EXOC6: variants seen among roughly 807,000 people sequenced by gnomAD.
EXOC6 encodes SEC15-like 1.
A neutral mutation model predicts 112.5 loss-of-function variants in EXOC6; 60 were observed. The ratio of observed to expected loss-of-function variants is 0.53; its 90% confidence interval spans 0.43 to 0.66. EXOC6 has a LOEUF of 0.66. Ranked by LOEUF, EXOC6 falls within the 30% of genes least tolerant of loss-of-function variation. The probability of loss-of-function intolerance (pLI) is 0.00; values close to 1 mark genes in which losing one functional copy is unlikely to be tolerated. For synonymous variants in EXOC6, 295 were observed against 308.0 expected (o/e 0.96, Z 0.44); for missense variants, 855 against 957.1 (o/e 0.89, Z 1.41).
At chr10:93,027,390 G>T (rs1224175361) in intron 20 of EXOC6, among the ~76,000 whole-genome samples, 5 of 152,208 alleles carry the variant, frequency 3.3e-5, no homozygotes, top group Admixed American at 3.3e-4. Context: ...GATAATTGAT[G>T]AAGTGGCTAC....
Position 92,972,486 on chromosome 10 carries a change from C to T in EXOC6, c.1774-1567C>T, listed in dbSNP as rs187234720. On this transcript the variant is annotated intron_variant, in intron 17 of 21. Transcript: ENST00000260762. ...AAGGGATGAAATATTCATGATGATTCCTGGAAAAAGGTGGAATTTTTTTTG... is the reference window on the plus strand; with the variant it reads ...AAGGGATGAAATATTCATGATGATTTCTGGAAAAAGGTGGAATTTTTTTTG... 3.7e-3 allele frequency among the ~76,000 whole-genome samples: 562 copies of T among 151,978 alleles called. 2 individuals are homozygous for T. Among genetic ancestry groups the T allele is most frequent in the African/African-American group, 0.012 (517 of 41,490 alleles).
At chr10:92,923,034 T>G (rs1851529209) in intron 8 of EXOC6, among the ~76,000 whole-genome samples, 1 of 152,212 alleles carries the variant, frequency 6.6e-6, no homozygotes, top group African/African-American at 2.4e-5. Flanking sequence ...TCAGATTCCC[T>G]TGGGTCCCTT....
chr10:92,937,391 C>T (rs1188752318), intron 12 of EXOC6, among the ~76,000 whole-genome samples: 1 of 152,170 alleles, frequency 6.6e-6, no homozygotes, highest in African/African-American at 2.4e-5. Context: ...CTTTTTCCCC[C>T]TTAGAACATC....
At chr10:92,940,388 G>A (rs2133972155) in intron 12 of EXOC6, among the ~76,000 whole-genome samples, 1 of 152,190 alleles carries the variant, frequency 6.6e-6, no homozygotes, top group East Asian at 1.9e-4. Context: ...GTATCCTTGG[G>A]CACCACTTCC....
intron 12 of EXOC6, among the ~76,000 whole-genome samples, chr10:92,938,805 C>A (rs1302435693): frequency 1.3e-5 from 2 of 152,110 alleles, no homozygotes; most frequent in African/African-American, 4.8e-5. Flanking sequence ...TTTAATAAGG[C>A]ATCCTAATGC....
chr10:92,917,748 G>A (rs185596537), intron 7 of EXOC6, among the ~76,000 whole-genome samples: 1 of 152,028 alleles, frequency 6.6e-6, no homozygotes, highest in African/African-American at 2.4e-5. Context: ...ACCAAGGCTG[G>A]TCTTGAACTC....
chr10:92,893,778 T>A (rs1405056753), intron 2 of EXOC6, among the ~76,000 whole-genome samples: 1 of 152,172 alleles, frequency 6.6e-6, no homozygotes, highest in African/African-American at 2.4e-5. Context: ...AAAACATGCA[T>A]ACAATGAAAG....
chr10:92,915,822 A>G lies in EXOC6; in HGVS notation c.728A>G (p.Asn243Ser). 3 of 1,534,320 alleles carry G rather than the reference A, an allele frequency of 2.0e-6. No homozygotes were observed. The highest frequency in any genetic ancestry group is 1.7e-4 in the Middle Eastern group (1 of 5,838). Residue 243 changes from asparagine (N) to serine (S), a missense_variant, in exon 7 of 22, where the codon AAT (asparagine) becomes AGT (serine). Physicochemically the swap from Asn to Ser is conservative, Grantham distance 46. This residue lies in a region of EXOC6 where 405 missense variants were observed against 393.6 expected (regional missense o/e 1.03). Coordinates refer to ENST00000260762, the MANE Select transcript of EXOC6 (RefSeq NM_019053.6). ...QKQNKMKFGKNMYINRDRIPE... is the reference protein window; with the variant it reads ...QKQNKMKFGKSMYINRDRIPE... ...CAAAATAAAATGAAATTTGGGAAAA[A>G]TATGTATATAAATCGTGATAGAATT...
intron 13 of EXOC6, among the ~76,000 whole-genome samples, chr10:92,947,916 A>C (rs1853133946): frequency 6.6e-6 from 1 of 152,196 alleles, no homozygotes; most frequent in African/African-American, 2.4e-5. Flanking sequence ...AAAAGAAAAA[A>C]TAGAAAGAAT....
At chr10:92,948,136 C>A in intron 13 of EXOC6, 138 bp from the exon 14 acceptor site, 1 of 520,766 alleles carries the variant, frequency 1.9e-6, no homozygotes. Context: ...GATGCTTAGG[C>A]AGTATCTTCC....
chr10:93,022,866 A>C (rs911761784), intron 20 of EXOC6, among the ~76,000 whole-genome samples: 10 of 152,102 alleles, frequency 6.6e-5, no homozygotes, highest in African/African-American at 2.4e-4. Flanking sequence ...TATGTTCCTT[A>C]CTTCATAAAG....
chr10:93,035,523 A>C (rs1015264025), intron 20 of EXOC6, among the ~76,000 whole-genome samples: 1 of 152,184 alleles, frequency 6.6e-6, no homozygotes, highest in African/African-American at 2.4e-5. Flanking sequence ...CACTTCCCCC[A>C]GTGCTAACGT....
chr10:93,012,084 AG>A (rs1437299675), intron 19 of EXOC6, among the ~76,000 whole-genome samples: 2 of 152,182 alleles, frequency 1.3e-5, no homozygotes, highest in East Asian at 3.8e-4. Context: ...AGTAACCAAA[AG>A]GTTACTCATT....
chr10:92,998,428 A>G (rs1843592363), intron 19 of EXOC6, among the ~76,000 whole-genome samples: 1 of 152,224 alleles, frequency 6.6e-6, no homozygotes, highest in Non-Finnish European at 1.5e-5. Context: ...AAAATTTGCA[A>G]TAATGTATTC....
At chr10:92,991,945 A>C (rs1843281436) in intron 18 of EXOC6, among the ~76,000 whole-genome samples, 1 of 152,118 alleles carries the variant, frequency 6.6e-6, no homozygotes, top group African/African-American at 2.4e-5. Context: ...ACAGAAATAG[A>C]GTATAAGAGG....
intron 20 of EXOC6, among the ~76,000 whole-genome samples, chr10:93,045,453 A>T (rs1394410687): frequency 6.6e-6 from 1 of 152,212 alleles, no homozygotes; most frequent in Non-Finnish European, 1.5e-5. Context: ...GTTTTTCTTA[A>T]CAATTGTACT....
chr10:92,966,394 G>A (rs1298966721), intron 17 of EXOC6, among the ~76,000 whole-genome samples: 3 of 145,178 alleles, frequency 2.1e-5, no homozygotes, highest in Admixed American at 6.9e-5. Context: ...CCATTAACTC[G>A]TCATTTAGCA....
intron 13 of EXOC6, among the ~76,000 whole-genome samples, chr10:92,945,101 C>T (rs1564851016): frequency 6.6e-6 from 1 of 151,990 alleles, no homozygotes. Flanking sequence ...TTTGGATTTC[C>T]CTGATGATTA....
chr10:93,029,161 C>G (rs1590070752), intron 20 of EXOC6, among the ~76,000 whole-genome samples: 1 of 152,114 alleles, frequency 6.6e-6, no homozygotes, highest in Non-Finnish European at 1.5e-5. Context: ...CTCAAATGAT[C>G]ATTAGCATTT....
Sources: gnomAD v4.1 joint callset for allele counts (sites outside exome capture counted in the v4.1 genomes callset) on GRCh38, gnomAD v4.1.1 for gene constraint, gnomAD v4.1.1 regional missense constraint, MANE v1.5 for transcripts, NCBI Gene and HGNC (gene_info 2026-07-23, HGNC 2026-07-21) for gene names.